The following HOMER1 variants were observed in gnomAD, a reference collection of about 807,000 sequenced individuals.
HOMER1 encodes homer scaffold protein 1.
In HOMER1, 3 loss-of-function variants were observed where a neutral mutation model predicts 48.9. The ratio of observed to expected loss-of-function variants is 0.06; its 90% CI spans 0.03 to 0.16. The LOEUF (loss-of-function observed/expected upper bound fraction) is 0.16. HOMER1 is among the 10% of genes least tolerant of loss of function. The pLI, the probability that HOMER1 is intolerant of heterozygous loss-of-function variation, is 1.00. For synonymous variants in HOMER1, 134 were observed against 146.4 expected (o/e 0.92, Z 0.61); for missense variants, 247 against 411.4 (o/e 0.60, Z 3.46).
At chr5:79,500,927 T>TGTGTG (rs1752559296) in intron 1 of HOMER1, among the ~76,000 whole-genome samples, 1 of 124,324 alleles carries the variant, frequency 8.0e-6, no homozygotes, top group Non-Finnish European at 1.6e-5. Flanking sequence ...ACCCAGCCAT[T>TGTGTG]TGTGTGTGTG....
chr5:79,452,817 A>G (rs1751065756), intron 2 of HOMER1, among the ~76,000 whole-genome samples: 1 of 152,214 alleles, frequency 6.6e-6, no homozygotes, highest in Non-Finnish European at 1.5e-5. Flanking sequence ...ATTCATACTT[A>G]TACAGTTTCC....
At chr5:79,439,197 A>C in intron 4 of HOMER1, 48 bp from the exon 5 acceptor site, 1 of 1,591,360 alleles carries the variant, frequency 6.3e-7, no homozygotes. Flanking sequence ...CTTTTGTTAA[A>C]GTACACAATA....
At chr5:79,511,877 C>CCA (rs1174746999) in intron 1 of HOMER1, among the ~76,000 whole-genome samples, 4 of 152,132 alleles carry the variant, frequency 2.6e-5, no homozygotes, top group East Asian at 1.9e-4. Flanking sequence ...GTTTGTTCAA[C>CCA]CACACACACA....
intron 1 of HOMER1, among the ~76,000 whole-genome samples, chr5:79,488,010 G>A (rs1207393777): frequency 6.6e-6 from 1 of 152,104 alleles, no homozygotes; most frequent in Non-Finnish European, 1.5e-5. Flanking sequence ...ATCCTCCTTA[G>A]GTTTTTGTAT....
chr5:79,462,107 G>C (rs768753508), intron 1 of HOMER1, among the ~76,000 whole-genome samples: 1 of 152,090 alleles, frequency 6.6e-6, no homozygotes, highest in Non-Finnish European at 1.5e-5. Flanking sequence ...GCTGCGGCAG[G>C]AGAATCACTT....
At chr5:79,496,237 A>G (rs1752417188) in intron 1 of HOMER1, among the ~76,000 whole-genome samples, 1 of 152,184 alleles carries the variant, frequency 6.6e-6, no homozygotes, top group Admixed American at 6.5e-5. Context: ...GAAAGTTTAA[A>G]TAACAGAGCA....
At chr5:79,471,051 G>C (rs1488232172) in intron 1 of HOMER1, among the ~76,000 whole-genome samples, 1 of 152,158 alleles carries the variant, frequency 6.6e-6, no homozygotes, top group Admixed American at 6.5e-5. Context: ...AAAAAAAAGT[G>C]GGGTGGGGAG....
chr5:79,406,171 T>G (rs1390173303), intron 5 of HOMER1, among the ~76,000 whole-genome samples: 1 of 152,218 alleles, frequency 6.6e-6, no homozygotes, highest in Non-Finnish European at 1.5e-5. Flanking sequence ...AATATATGTT[T>G]AGAGTAGGTT....
chr5:79,420,667 A>C (rs750558873), intron 5 of HOMER1, among the ~76,000 whole-genome samples: 4 of 152,234 alleles, frequency 2.6e-5, no homozygotes, highest in African/African-American at 9.6e-5. Context: ...CTGTAAAGGA[A>C]GTATCACATC....
At chr5:79,398,837 C>T (rs1749463482) in intron 6 of HOMER1, among the ~76,000 whole-genome samples, 1 of 152,148 alleles carries the variant, frequency 6.6e-6, no homozygotes, top group Non-Finnish European at 1.5e-5. Context: ...TATTCATTCC[C>T]AACTTGTTGA....
At chr5:79,403,267 A>G (rs986276937) in intron 5 of HOMER1, among the ~76,000 whole-genome samples, 3 of 152,086 alleles carry the variant, frequency 2.0e-5, no homozygotes, top group Non-Finnish European at 2.9e-5. Flanking sequence ...TTCAATCACC[A>G]TTTTTTGGGG....
intron 6 of HOMER1, among the ~76,000 whole-genome samples, chr5:79,401,634 T>C (rs377150340): frequency 1.3e-5 from 2 of 152,238 alleles, no homozygotes; most frequent in African/African-American, 2.4e-5. Context: ...AGTGCTTTTA[T>C]GTACTTGTGC....
chr5:79,469,565 T>C (rs1367114884), intron 1 of HOMER1, among the ~76,000 whole-genome samples: 1 of 152,240 alleles, frequency 6.6e-6, no homozygotes, highest in Non-Finnish European at 1.5e-5. Flanking sequence ...ATGGTAGTCA[T>C]ACAGTCTCAA....
intron 5 of HOMER1, among the ~76,000 whole-genome samples, chr5:79,424,551 C>G (rs1223239062): frequency 6.6e-6 from 1 of 151,946 alleles, no homozygotes; most frequent in Non-Finnish European, 1.5e-5. Flanking sequence ...ATTATAGAAA[C>G]TACCCACAAG....
At chr5:79,468,749 T>G (rs1406723605) in intron 1 of HOMER1, among the ~76,000 whole-genome samples, 1 of 152,228 alleles carries the variant, frequency 6.6e-6, no homozygotes, top group Non-Finnish European at 1.5e-5. Context: ...CATAGGGTAT[T>G]GGTACAGGTC....
chr5:79,503,057 G>A (rs1752647440), intron 1 of HOMER1, among the ~76,000 whole-genome samples: 1 of 152,038 alleles, frequency 6.6e-6, no homozygotes, highest in African/African-American at 2.4e-5. Context: ...AAAGTGCTGG[G>A]ATTACAGGCG....
chr5:79,385,376 T>C (rs1206240728), intron 8 of HOMER1, among the ~76,000 whole-genome samples: 2 of 152,100 alleles, frequency 1.3e-5, no homozygotes, highest in Admixed American at 6.6e-5. Context: ...ATATCCAGAA[T>C]ATACAAGAAA....
At chr5:79,407,420 T>C (rs1040773701) in intron 5 of HOMER1, among the ~76,000 whole-genome samples, 16 of 152,134 alleles carry the variant, frequency 1.1e-4, no homozygotes, top group African/African-American at 3.6e-4. Context: ...GGAAGTAAGA[T>C]AGCAATGTTA....
intron 5 of HOMER1, among the ~76,000 whole-genome samples, chr5:79,436,312 T>C (rs1750583059): frequency 6.6e-6 from 1 of 152,222 alleles, no homozygotes. Context: ...CTTATTTCCA[T>C]ATAGGTCTCC....
Sources: allele counts gnomAD v4.1 joint callset (sites outside exome capture counted in the v4.1 genomes callset), GRCh38; gene constraint gnomAD v4.1.1; transcripts MANE v1.5; gene names NCBI Gene and HGNC (gene_info 2026-07-23, HGNC 2026-07-21).